Variants in DPF3 observed in about 807,000 individuals in gnomAD.
DPF3 encodes the protein zinc finger protein DPF3.
DPF3 carries 18 observed loss-of-function variants against 56.8 expected under a neutral mutation model. The ratio of observed to expected loss-of-function variants is 0.32; its 90% CI spans 0.22 to 0.47. DPF3 has a LOEUF of 0.47. DPF3 is among the 20% of genes least tolerant of loss of function. The pLI, the probability that DPF3 is intolerant of heterozygous loss-of-function variation, is 1.00. For missense variants in DPF3, 403 were observed against 488.8 expected, an observed-to-expected ratio of 0.82 and a Z score of 1.65; for synonymous variants, 188 against 180.2, an observed-to-expected ratio of 1.04 and a Z score of -0.35.
chr14:72,881,796 T>G (rs1599522630), intron 1 of DPF3, among the ~76,000 whole-genome samples: 1 of 147,572 alleles, frequency 6.8e-6, no homozygotes, highest in African/African-American at 2.5e-5. Context: ...CAGGAGGGGG[T>G]GGGCCAGCTG....
intron 1 of DPF3, among the ~76,000 whole-genome samples, chr14:72,804,647 C>T (rs1374262838): frequency 1.3e-5 from 2 of 151,988 alleles, no homozygotes; most frequent in Non-Finnish European, 2.9e-5. Flanking sequence ...AATAAGGAGG[C>T]AGAAAGTAGA....
chr14:72,853,761 G>T (rs150234896), intron 1 of DPF3, among the ~76,000 whole-genome samples: 1 of 152,020 alleles, frequency 6.6e-6, no homozygotes, highest in Non-Finnish European at 1.5e-5. Context: ...CACCATGCCC[G>T]GCCTGCTACC....
chr14:72,795,848 C>T (rs573124621), intron 1 of DPF3, among the ~76,000 whole-genome samples: 25 of 152,306 alleles, frequency 1.6e-4, no homozygotes, highest in African/African-American at 5.3e-4. Flanking sequence ...AGGTGAAGCC[C>T]GCACACTTCT....
At chr14:72,750,448 A>C (rs1008673298) in intron 3 of DPF3, among the ~76,000 whole-genome samples, 7 of 152,344 alleles carry the variant, frequency 4.6e-5, no homozygotes, top group Middle Eastern at 3.4e-3. Context: ...AATAATTTAA[A>C]ACATGTCAAG....
At chr14:72,683,846 T>G (rs901307227) in intron 7 of DPF3, among the ~76,000 whole-genome samples, 5 of 152,152 alleles carry the variant, frequency 3.3e-5, no homozygotes, top group Admixed American at 6.5e-5. Context: ...CAGGTTTGAC[T>G]GGGACAGAGG....
chr14:72,632,408 T>A (rs1341472683), intron 8 of DPF3, among the ~76,000 whole-genome samples: 1 of 152,198 alleles, frequency 6.6e-6, no homozygotes, highest in African/African-American at 2.4e-5. Flanking sequence ...GATGTTGCCC[T>A]TGGAGAAAAC....
chr14:72,874,358 AG>A (rs1008208703), intron 1 of DPF3, among the ~76,000 whole-genome samples: 1 of 151,956 alleles, frequency 6.6e-6, no homozygotes, highest in African/African-American at 2.4e-5. Flanking sequence ...GCACACCTAT[AG>A]TCCCAGCTAC....
intron 9 of DPF3, among the ~76,000 whole-genome samples, chr14:72,629,103 T>C (rs1421542667): frequency 6.6e-6 from 1 of 152,218 alleles, no homozygotes; most frequent in Non-Finnish European, 1.5e-5. Context: ...GAATTATTGA[T>C]TTTTTAGCTA....
chr14:72,887,382 A>T (rs1352957368), intron 1 of DPF3, among the ~76,000 whole-genome samples: 1 of 152,172 alleles, frequency 6.6e-6, no homozygotes, highest in Admixed American at 6.5e-5. Flanking sequence ...CCCACATTCT[A>T]AATGGCCCAC....
intron 1 of DPF3, among the ~76,000 whole-genome samples, chr14:72,874,961 A>T (rs527538277): frequency 2.0e-5 from 3 of 152,214 alleles, no homozygotes; most frequent in Admixed American, 6.5e-5. Flanking sequence ...AATTGGACTT[A>T]CAGTTCCACG....
chr14:72,734,633 G>GT (rs1889812903), intron 3 of DPF3, among the ~76,000 whole-genome samples: 2 of 151,974 alleles, frequency 1.3e-5, no homozygotes, highest in Non-Finnish European at 2.9e-5. Context: ...TCCCAGAATG[G>GT]TACAGCATTT....
chr14:72,784,223 G>A (rs1375223533), intron 1 of DPF3, among the ~76,000 whole-genome samples: 1 of 152,096 alleles, frequency 6.6e-6, no homozygotes, highest in Admixed American at 6.5e-5. Flanking sequence ...CATTTTTGGA[G>A]GCACATACTT....
chr14:72,818,739 T>C (rs1883400745), intron 1 of DPF3, among the ~76,000 whole-genome samples: 2 of 152,198 alleles, frequency 1.3e-5, no homozygotes, highest in African/African-American at 2.4e-5. Context: ...TGTACAACAA[T>C]GGGAGTATAA....
chr14:72,852,729 T>C (rs946244277), intron 1 of DPF3, among the ~76,000 whole-genome samples: 1 of 152,238 alleles, frequency 6.6e-6, no homozygotes. Context: ...CCCACTCACA[T>C]CGTCCGTGTT....
chr14:72,709,376 C>T (rs1050762098), intron 6 of DPF3, among the ~76,000 whole-genome samples: 1 of 152,118 alleles, frequency 6.6e-6, no homozygotes, highest in African/African-American at 2.4e-5. Context: ...AGCCTAATGC[C>T]GTAGTTGGGG....
At chr14:72,893,973 T>A (rs1037574683) in intron 1 of DPF3, 84 bp downstream of exon 1, 7 of 1,548,812 alleles carry the variant, frequency 4.5e-6, no homozygotes, top group African/African-American at 2.8e-5. Flanking sequence ...AGCGCAATGC[T>A]CTGGCAGCGC....
intron 3 of DPF3, among the ~76,000 whole-genome samples, chr14:72,743,852 T>C (rs1247482259): frequency 6.6e-6 from 1 of 152,246 alleles, no homozygotes; most frequent in African/African-American, 2.4e-5. Context: ...AGAATTGTGA[T>C]GTCTACATCA....
chr14:72,864,406 C>T (rs1033358626), intron 1 of DPF3, among the ~76,000 whole-genome samples: 1 of 152,240 alleles, frequency 6.6e-6, no homozygotes, highest in Non-Finnish European at 1.5e-5. Flanking sequence ...TCGGCCTCCT[C>T]CACTGGACTG....
At chr14:72,854,366 C>CA (rs1244296182) in intron 1 of DPF3, among the ~76,000 whole-genome samples, 13 of 148,988 alleles carry the variant, frequency 8.7e-5, no homozygotes, top group East Asian at 7.8e-4. Flanking sequence ...AATCCTGTGT[C>CA]AAAAAAAAAG....
Sources: gnomAD v4.1 joint callset for allele counts (sites outside exome capture counted in the v4.1 genomes callset) on GRCh38, gnomAD v4.1.1 for gene constraint, MANE v1.5 for transcripts, NCBI Gene and HGNC (gene_info 2026-07-23, HGNC 2026-07-21) for gene names.